ARHGEF17: variants seen among roughly 807,000 people sequenced by gnomAD.
ARHGEF17 encodes the protein 164 kDa Rho-specific guanine-nucleotide exchange factor.
ARHGEF17 carries 80 observed loss-of-function variants against 174.0 expected under a neutral mutation model. The ratio of observed to expected loss-of-function variants is 0.46; its 90% CI spans 0.38 to 0.55. ARHGEF17 has a LOEUF of 0.55. Among genes scored for constraint, ARHGEF17 ranks in the 20% least tolerant of loss-of-function variants. The pLI, the probability that ARHGEF17 is intolerant of heterozygous loss-of-function variation, is 0.00. For synonymous variants in ARHGEF17, 1,311 were observed against 1,189.1 expected (o/e 1.10, Z -2.11); for missense variants, 2,886 against 2,839.7 (o/e 1.02, Z -0.37).
chr11:73,335,548 A>C (rs940657511), intron 1 of ARHGEF17, among the ~76,000 whole-genome samples: 1 of 152,040 alleles, frequency 6.6e-6, no homozygotes, highest in Non-Finnish European at 1.5e-5. Flanking sequence ...GAAGAAAGAA[A>C]GGGAAAAAAC....
Position 73,310,481 on chromosome 11 carries a change from G to C in ARHGEF17, c.1843G>C (p.Ala615Pro), listed in dbSNP as rs777275125. ...MGAQQDDGSD[A>P]PPGSPDWAGD... ...TGCCCAACAAGATGATGGAAGCGAT[G>C]CCCCCCCTGGAAGCCCTGACTGGGC... The change falls in exon 1 of 21, where the codon GCC (alanine) becomes CCC (proline). Residue 615 changes from alanine to proline, a missense_variant. Physicochemically the swap from Ala to Pro is conservative, Grantham distance 27. Around this residue, in one of 4 missense-constraint regions of ARHGEF17, gnomAD observed 1,728 missense variants for 1,461.2 expected, o/e 1.18. Transcript: ENST00000263674. 24 of 1,613,940 alleles carry C rather than the reference G, an allele frequency of 1.5e-5. 1 individual carries two copies. The South Asian group carries it at 1.9e-4, about 13-fold the overall frequency.
At position 73,329,572 on chromosome 11, in the gene ARHGEF17, G is replaced by A. The variant is rs758482562; in HGVS notation, c.3193-17311G>A. On this transcript the variant is annotated intron_variant, in intron 1 of 20. Coordinates refer to ENST00000263674, the MANE Select transcript of ARHGEF17 (RefSeq NM_014786.4). ...GCACCACCACGCCCAGCTAATTTTT[G>A]TATTTTTAGTAGAGATGGGAGTTCA... 6.6e-5 allele frequency among the ~76,000 whole-genome samples: 10 copies of A among 150,610 alleles called. 1 individual carries two copies. The highest frequency in any genetic ancestry group is 1.5e-4 in the Non-Finnish European group (10 of 67,738).
rs1591754311 is a variant in ARHGEF17 at position 73,353,176 on chromosome 11, G to A, written c.3453+164G>A. ...ACATTGGTACTTACCCCAGCCCCTG[G>A]GTGGACCTGAACTTGGACACTCCCC... On this transcript the variant is annotated intron_variant, in intron 3 of 20. Coordinates refer to ENST00000263674, the MANE Select transcript of ARHGEF17 (RefSeq NM_014786.4). 3 of 925,796 alleles carry A rather than the reference G, an allele frequency of 3.2e-6. No homozygotes were observed. In the East Asian group the frequency reaches 8.0e-5, roughly 25 times the overall value. The allele number at this position is 925,796 out of a possible 1,614,324, so 57.3% of individuals were successfully genotyped here.
At chr11:73,358,267 C>T (rs974618200) in intron 9 of ARHGEF17, among the ~76,000 whole-genome samples, 11 of 152,128 alleles carry the variant, frequency 7.2e-5, no homozygotes, top group Non-Finnish European at 1.0e-4. Flanking sequence ...TATTGCTCAC[C>T]GTTGAGGAGG....
At position 73,362,621 on chromosome 11, in the gene ARHGEF17, C is replaced by T. The variant is rs552424235; in HGVS notation, c.4883C>T (p.Pro1628Leu). 4 of 1,611,444 alleles carry T rather than the reference C, an allele frequency of 2.5e-6. No homozygotes were observed. Among genetic ancestry groups the T allele is most frequent in the East Asian group, 2.2e-5 (1 of 44,890 alleles). The change falls in exon 14 of 21, where the codon CCC becomes CTC. Residue 1628 changes from proline to leucine, a missense_variant. Transcript: ENST00000263674. ...ACGCCGGGCCTCGGCGAGGGTGACC[C>T]CCGCCCAGAGCTGGTGCCCTTTGAC... ...EMTPGLGEGD[P>L]RPELVPFDSD...
At chr11:73,367,441 C>G (rs1325017596) in intron 20 of ARHGEF17, 143 bp from the exon 21 acceptor site, 1 of 640,496 alleles carries the variant, frequency 1.6e-6, no homozygotes. Context: ...AAATAAGTTC[C>G]TAGCTAACAG....
intron 1 of ARHGEF17, among the ~76,000 whole-genome samples, chr11:73,336,317 GAAACAGTGCCTCACT>G (rs1380232495): frequency 2.6e-5 from 4 of 152,196 alleles, no homozygotes; most frequent in African/African-American, 4.8e-5. Context: ...TAATACATGA[GAAACAGTGCCTCACT>G]AAACATTAGC....
At chr11:73,363,874 A>AG (rs1865791621) in intron 16 of ARHGEF17, 41 bp downstream of exon 16, 1 of 1,586,312 alleles carries the variant, frequency 6.3e-7, no homozygotes. Context: ...GACTCTTCTC[A>AG]GCCACACGTG....
intron 2 of ARHGEF17, 90 bp from the exon 3 acceptor site, chr11:73,352,740 A>G: frequency 6.9e-7 from 1 of 1,448,632 alleles, no homozygotes; most frequent in South Asian, 1.2e-5. Context: ...GGCCCGGGTG[A>G]TTCTGTGTGC....
Position 73,309,349 on chromosome 11 carries a change from C to T in ARHGEF17, c.711C>T (p.Ala237=), listed in dbSNP as rs765039214. The T allele has an allele frequency of 3.1e-6, 5 of 1,609,292 alleles. No individual in the cohort carries two copies. The highest frequency in any genetic ancestry group is 4.5e-5 in the East Asian group (2 of 44,804). The change falls in exon 1 of 21, where the codon GCC becomes GCT. Residue 237 remains alanine, a synonymous_variant. Transcript: ENST00000263674. ...ARASCSSSSI[A]ASYPVSRSRA... is the part of the protein sequence containing the mutation. The stretch of plus-strand genomic sequence containing the variant: ...CCTCCTGCTCCTCCTCCTCCATCGC[C>T]GCCTCCTATCCTGTCAGCCGCAGTC...
chr11:73,363,148 A>C (rs1448410689), intron 14 of ARHGEF17, 58 bp from the exon 15 acceptor site: 1 of 1,467,988 alleles, frequency 6.8e-7, no homozygotes, highest in African/African-American at 1.4e-5. Context: ...GCCTAGAAAG[A>C]TATCAGGTCC....
chr11:73,364,081 C>A, intron 16 of ARHGEF17, 91 bp from the exon 17 acceptor site: 1 of 1,359,458 alleles, frequency 7.4e-7, no homozygotes, highest in Non-Finnish European at 1.0e-6. Flanking sequence ...CTCTCGGGAG[C>A]CATACCCATT....
intron 1 of ARHGEF17, among the ~76,000 whole-genome samples, chr11:73,323,992 C>A (rs1165383145): frequency 6.6e-6 from 1 of 152,202 alleles, no homozygotes; most frequent in Non-Finnish European, 1.5e-5. Context: ...GGTCTTGCTC[C>A]TCTTCCTGTC....
intron 9 of ARHGEF17, 79 bp downstream of exon 9, chr11:73,357,406 T>A: frequency 7.5e-7 from 1 of 1,324,908 alleles, no homozygotes; most frequent in Non-Finnish European, 1.0e-6. Flanking sequence ...CTCCAGCCAG[T>A]CTGGCTGCCT....
chr11:73,360,368 C>T lies in ARHGEF17; in HGVS notation c.4255C>T (p.Leu1419=), dbSNP rs1233104049. The T allele has an allele frequency of 6.2e-7, 1 of 1,613,924 alleles. No individual in the cohort carries two copies. The highest frequency in any genetic ancestry group is 1.7e-5 in the Admixed American group (1 of 60,038). ...CCTCTCAGCTGCCATGCACCGGGAC[C>T]TGTCGGAGAAGCAGGCGCTGTGCTA... ...RDLSAAMHRD[L]SEKQALCYAL... is the part of the protein sequence containing the mutation. Residue 1419 remains leucine, a synonymous_variant, in exon 11 of 21, where the codon CTG becomes TTG. Transcript: ENST00000263674.
rs763618793 is a variant in ARHGEF17, at chr11:73,310,236, C to G, written c.1598C>G (p.Thr533Arg). 6.2e-7 allele frequency: 1 copy of G among 1,613,938 alleles called. No individual in the cohort carries two copies. Among genetic ancestry groups the G allele is most frequent in the African/African-American group, 1.3e-5 (1 of 74,944 alleles). Residue 533 changes from threonine to arginine, a missense_variant, in exon 1 of 21, where the codon ACA becomes AGA. Thr to Arg is a moderately conservative substitution (Grantham distance 71). Transcript: ENST00000263674. The part of the protein sequence containing the change: ...PAPASPGTRP[T>R]LKDLTATLRR... ...CCAGCATCACCTGGCACGCGCCCCA[C>G]ACTCAAGGACTTGACAGCCACTCTG...
rs775766041 is a variant in ARHGEF17, at chr11:73,364,611, G to T, written c.5550+11G>T. The T allele has an allele frequency of 1.3e-5, 21 of 1,601,836 alleles. No homozygotes were observed. Among genetic ancestry groups the T allele is most frequent in the Non-Finnish European group, 1.7e-5 (20 of 1,175,264 alleles). ...ACGCTGCAGCTGGAGGTAGCAGGGG[G>T]TGGGGGAATGGAATTGGTGCCATGG... On this transcript the variant is annotated intron_variant, in intron 18 of 20. Coordinates refer to ENST00000263674, the MANE Select transcript of ARHGEF17 (RefSeq NM_014786.4).
At chr11:73,357,210 C>G (rs1448415868) in intron 8 of ARHGEF17, 32 bp from the exon 9 acceptor site, 2 of 1,613,350 alleles carry the variant, frequency 1.2e-6, no homozygotes, top group East Asian at 4.5e-5. Flanking sequence ...ACTCCCCGAC[C>G]CTGGCCAGAG....
In ARHGEF17 at chr11:73,310,847, C is replaced by G. The variant is rs1445776904; in HGVS notation, c.2209C>G (p.Pro737Ala). ...GGAGGCCTACAGGTCCCTGAGTGAC[C>G]CAATTCCTCAGCGCCACCGGGCTGC... ...AGEAYRSLSD[P>A]IPQRHRAATS... The change falls in exon 1 of 21, where the codon CCA becomes GCA. Residue 737 changes from proline (P) to alanine (A), a missense_variant. Around this residue, in one of 4 missense-constraint regions of ARHGEF17, gnomAD observed 1,728 missense variants for 1,461.2 expected, o/e 1.18. Transcript: ENST00000263674. 2 of 1,611,758 alleles carry G rather than the reference C, an allele frequency of 1.2e-6. No individual in the cohort carries two copies. The highest frequency in any genetic ancestry group is 2.7e-5 in the African/African-American group (2 of 74,832).
Sources: gnomAD v4.1 joint callset for allele counts (sites outside exome capture counted in the v4.1 genomes callset) on GRCh38, gnomAD v4.1.1 for gene constraint, gnomAD v4.1.1 regional missense constraint, MANE v1.5 for transcripts, NCBI Gene and HGNC (gene_info 2026-07-23, HGNC 2026-07-21) for gene names.